Variants in DDR2 observed in about 807,000 individuals in gnomAD.
DDR2 encodes the protein discoidin domain receptor tyrosine kinase 2, also known as discoidin domain-containing receptor 2.
Under a neutral mutation model 94.9 loss-of-function variants are expected in DDR2, and 27 were observed. That is an observed-to-expected ratio of 0.28 (90% CI 0.21 to 0.39). The LOEUF (loss-of-function observed/expected upper bound fraction) is 0.39, where lower values mean the gene tolerates loss of function less well. Ranked by LOEUF, DDR2 falls within the 10% of genes least tolerant of loss-of-function variation. DDR2 has a pLI of 1.00. For synonymous variants in DDR2, 382 were observed against 377.2 expected, an observed-to-expected ratio of 1.01 and a Z score of -0.15; for missense variants, 783 against 1,076.0, an observed-to-expected ratio of 0.73 and a Z score of 3.81.
chr1:162,766,214 C>A, intron 10 of DDR2, 151 bp downstream of exon 10: 1 of 777,704 alleles, frequency 1.3e-6, no homozygotes, highest in South Asian at 1.5e-5. Flanking sequence ...GGACTGTCTA[C>A]CTCCAAGTTA....
At chr1:162,728,143 T>G (rs1351536980) in intron 3 of DDR2, among the ~76,000 whole-genome samples, 115 of 140,622 alleles carry the variant, frequency 8.2e-4, no homozygotes, top group African/African-American at 2.7e-3. Flanking sequence ...TATATCTATA[T>G]ATAGATATAT....
chr1:162,727,338 A>T (rs1404814483), intron 3 of DDR2, among the ~76,000 whole-genome samples: 2 of 142,222 alleles, frequency 1.4e-5, no homozygotes, highest in African/African-American at 5.1e-5. Context: ...ATAAATATAC[A>T]CACATATATA....
rs184831580 is a variant in DDR2 at position 162,703,671 on chromosome 1, C to T, written c.-27-15366C>T. On this transcript the variant is annotated intron_variant, in intron 2 of 17. Transcript: ENST00000367921. ...TAGGTGTTAGAGATAAAGAGAGATA[C>T]TATCTTCACCTTCAAGGGCAGGCCA... Among the ~76,000 whole-genome samples, 127 of 152,306 alleles carry T rather than the reference C, an allele frequency of 8.3e-4. 1 individual carries two copies. Among genetic ancestry groups the T allele is most frequent in the African/African-American group, 2.8e-3 (118 of 41,550 alleles).
At chr1:162,747,993 G>C (rs989795304) in intron 3 of DDR2, among the ~76,000 whole-genome samples, 9 of 152,308 alleles carry the variant, frequency 5.9e-5, no homozygotes, top group African/African-American at 2.2e-4. Flanking sequence ...AAGAGCTCCT[G>C]AAGGAAGTGC....
At chr1:162,686,316 G>A (rs976981690) in intron 2 of DDR2, among the ~76,000 whole-genome samples, 30 of 152,030 alleles carry the variant, frequency 2.0e-4, no homozygotes, top group African/African-American at 7.0e-4. Flanking sequence ...CACCATCTAG[G>A]TTTTAAGCCC....
rs141148237 is a variant in DDR2 at position 162,722,336 on chromosome 1, A to C, written c.82+3191A>C. Among the ~76,000 whole-genome samples the C allele has an allele frequency of 3.0e-4, 46 of 152,324 alleles. No individual in the cohort carries two copies. The East Asian group carries it at 8.1e-3, about 27-fold the overall frequency. On this transcript the variant is annotated intron_variant, in intron 3 of 17. Transcript: ENST00000367921. ...TGGGGCCTGGAGCGTAGGCTACGCA[A>C]GTCTTTGTGGGAAATGCTGACATGA...
intron 2 of DDR2, among the ~76,000 whole-genome samples, chr1:162,698,174 CAG>C (rs1233373472): frequency 6.6e-6 from 1 of 152,154 alleles, no homozygotes; most frequent in Non-Finnish European, 1.5e-5. Flanking sequence ...GAAGGGAAAA[CAG>C]AGAAGGTGGG....
chr1:162,640,841 A>C (rs956304941), intron 1 of DDR2, among the ~76,000 whole-genome samples: 1 of 152,116 alleles, frequency 6.6e-6, no homozygotes, highest in Non-Finnish European at 1.5e-5. Context: ...CTTAAAGAAT[A>C]GTCATTTTTG....
At chr1:162,664,050 G>A (rs534571781) in intron 2 of DDR2, among the ~76,000 whole-genome samples, 2 of 152,134 alleles carry the variant, frequency 1.3e-5, no homozygotes, top group Admixed American at 1.3e-4. Flanking sequence ...GAAAAGGAAG[G>A]GGGCTGGAGT....
chr1:162,766,706 G>A (rs1386950284), intron 10 of DDR2, among the ~76,000 whole-genome samples: 2 of 152,130 alleles, frequency 1.3e-5, no homozygotes, highest in Non-Finnish European at 2.9e-5. Context: ...GGAGACTACT[G>A]TCTTATGGAA....
chr1:162,658,491 A>G (rs955301641), intron 2 of DDR2, among the ~76,000 whole-genome samples: 1 of 152,060 alleles, frequency 6.6e-6, no homozygotes, highest in African/African-American at 2.4e-5. Context: ...GCTGCTGTGG[A>G]TGTCCCTCCA....
chr1:162,695,191 G>A (rs1029818869), intron 2 of DDR2, among the ~76,000 whole-genome samples: 7 of 152,074 alleles, frequency 4.6e-5, no homozygotes, highest in Non-Finnish European at 1.0e-4. Flanking sequence ...CTTTTAACAC[G>A]ATGGGAAAGC....
intron 1 of DDR2, among the ~76,000 whole-genome samples, chr1:162,651,226 T>C (rs1192211128): frequency 1.3e-5 from 2 of 152,208 alleles, no homozygotes; most frequent in African/African-American, 4.8e-5. Context: ...TGCTCACTCC[T>C]TGCTGGCATT....
chr1:162,717,532 G>A (rs1382944364), intron 2 of DDR2, among the ~76,000 whole-genome samples: 1 of 152,224 alleles, frequency 6.6e-6, no homozygotes, highest in East Asian at 1.9e-4. Context: ...TTCCCCTAAT[G>A]TCCTTTGTCT....
intron 11 of DDR2, among the ~76,000 whole-genome samples, chr1:162,767,808 G>GTGTGTGTGTTTGTA (rs545214289): frequency 5.8e-4 from 1 of 1,728 alleles, no homozygotes; most frequent in Non-Finnish European, 2.9e-3. Context: ...TGTCTGTTTG[G>GTGTGTGTGTTTGTA]TGTGTGTGTG....
At chr1:162,635,261 C>A (rs1378984097) in intron 1 of DDR2, among the ~76,000 whole-genome samples, 1 of 152,046 alleles carries the variant, frequency 6.6e-6, no homozygotes. Context: ...TTACTTCAAA[C>A]CTTTCCATGT....
intron 2 of DDR2, among the ~76,000 whole-genome samples, chr1:162,709,286 G>T (rs572948835): frequency 3.3e-5 from 5 of 152,214 alleles, no homozygotes; most frequent in African/African-American, 9.7e-5. Context: ...AAAGAAACCA[G>T]TTATCAGAGA....
chr1:162,748,961 A>G (rs1334802227), intron 3 of DDR2, among the ~76,000 whole-genome samples: 2 of 152,232 alleles, frequency 1.3e-5, no homozygotes, highest in African/African-American at 4.8e-5. Flanking sequence ...AACCAATGAG[A>G]ACAAAGACAC....
intron 3 of DDR2, among the ~76,000 whole-genome samples, chr1:162,747,825 A>T (rs907066137): frequency 2.2e-4 from 33 of 152,202 alleles, no homozygotes; most frequent in African/African-American, 8.0e-4. Context: ...TACAAGCCAG[A>T]AGAGAGTAAA....
Sources: gnomAD v4.1 joint callset for allele counts (sites outside exome capture counted in the v4.1 genomes callset) on GRCh38, gnomAD v4.1.1 for gene constraint, MANE v1.5 for transcripts, NCBI Gene and HGNC (gene_info 2026-07-23, HGNC 2026-07-21) for gene names.